ZFX: variants seen among roughly 807,000 people sequenced by gnomAD.
ZFX encodes zinc finger protein X-linked.
For synonymous variants in ZFX, 196 were observed against 226.8 expected (o/e 0.86, Z 1.22); for missense variants, 362 against 628.3 (o/e 0.58, Z 4.53).
At chrX:24,194,161 G>A (rs1198286313) in intron 5 of ZFX, among the ~76,000 whole-genome samples, 1 of 111,180 alleles carries the variant, frequency 9.0e-6, no homozygotes, top group African/African-American at 3.3e-5. Context: ...CCTTTTTAAG[G>A]CTAAATAGGA....
intron 5 of ZFX, among the ~76,000 whole-genome samples, chrX:24,183,596 A>G (rs1935856755): frequency 8.9e-6 from 1 of 112,048 alleles, no homozygotes; most frequent in Admixed American, 9.5e-5. Context: ...CCACAAGTGG[A>G]AAATTCCACA....
chrX:24,154,087 C>T (rs771113444), intron 3 of ZFX, among the ~76,000 whole-genome samples: 52 of 111,704 alleles, frequency 4.7e-4, no homozygotes, highest in African/African-American at 1.6e-3. Context: ...GTATTTTACT[C>T]AAAGGAAGTA....
chrX:24,173,535 G>C, intron 4 of ZFX: 4 of 1,094,286 alleles, frequency 3.7e-6, no homozygotes, highest in Non-Finnish European at 4.7e-6. Context: ...ATGTATTTCA[G>C]ATTACCCATG....
intron 5 of ZFX, among the ~76,000 whole-genome samples, chrX:24,182,951 T>C (rs1935802062): frequency 9.0e-6 from 1 of 111,524 alleles, no homozygotes; most frequent in Non-Finnish European, 1.9e-5. Context: ...ATGAGGCCCC[T>C]TTCCAGGGAC....
chrX:24,152,507 C>G, intron 2 of ZFX, among the ~76,000 whole-genome samples: 1 of 111,013 alleles, frequency 9.0e-6, no homozygotes, highest in Non-Finnish European at 1.9e-5. Flanking sequence ...TTTTTCTAGA[C>G]TGTAACAGGT....
At chrX:24,165,362 G>A (rs1334037095) in intron 3 of ZFX, among the ~76,000 whole-genome samples, 4 of 112,164 alleles carry the variant, frequency 3.6e-5, no homozygotes, top group Admixed American at 9.4e-5. Flanking sequence ...CTTGTGATCC[G>A]CCAGCCTCGG....
intron 3 of ZFX, among the ~76,000 whole-genome samples, chrX:24,163,213 G>A (rs1189657017): frequency 1.3e-5 from 1 of 78,196 alleles, no homozygotes; most frequent in East Asian, 4.6e-4. Context: ...ACTGTGCCAA[G>A]GTCTGTGGTG....
At position 24,214,118 on chromosome X, in the gene ZFX, T is replaced by A. The variant is rs758871393; in HGVS notation, c.*2742T>A. 8.9e-6 allele frequency: 1 copy of A among 111,957 alleles called. No homozygotes were observed. The highest frequency in any genetic ancestry group is 3.7e-4 in the South Asian group (1 of 2,681). 9.2% of individuals were successfully genotyped at this position (111,957 alleles called of 1,213,427 possible). On this transcript the variant is annotated 3_prime_UTR_variant, in exon 10 of 10. Coordinates refer to ENST00000304543, the MANE Select transcript of ZFX (RefSeq NM_003410.4). ...TTGTAGTCACTGTTATGTACTGACATTAGTTACAACCTAGTTTTAATTCTT... is the reference window on the plus strand; with the variant it reads ...TTGTAGTCACTGTTATGTACTGACAATAGTTACAACCTAGTTTTAATTCTT...
intron 5 of ZFX, among the ~76,000 whole-genome samples, chrX:24,181,324 C>T (rs1456800856): frequency 8.9e-6 from 1 of 111,809 alleles, no homozygotes; most frequent in East Asian, 2.8e-4. Context: ...TAAATACATA[C>T]ATAAGACCAT....
intron 5 of ZFX, chrX:24,207,051 G>C (rs1352789909): frequency 4.3e-6 from 1 of 234,989 alleles, no homozygotes; most frequent in African/African-American, 3.0e-5. Flanking sequence ...GGCTAAAATG[G>C]TGAAACCCTG....
chrX:24,196,788 G>T (rs1031464391), intron 5 of ZFX, among the ~76,000 whole-genome samples: 2 of 111,383 alleles, frequency 1.8e-5, no homozygotes, highest in Non-Finnish European at 3.8e-5. Context: ...TAGAGATGGG[G>T]TCTCACTATG....
chrX:24,193,032 C>T, intron 5 of ZFX, among the ~76,000 whole-genome samples: 1 of 111,074 alleles, frequency 9.0e-6, no homozygotes. Context: ...AGGCTTAGTA[C>T]TTCCATGTTA....
Position 24,210,171 on chromosome X carries a change from CTCCTT to C in ZFX, c.1235-19_1235-15del, listed in dbSNP as rs779360244. On this transcript the variant is annotated splice_polypyrimidine_tract_variant and intron_variant, in intron 9 of 9. Coordinates refer to ENST00000304543, the MANE Select transcript of ZFX (RefSeq NM_003410.4). ...ACAGAACTTGGTTTGAGCACTCATACTCCTTTCTTTTCCTTTTTTAGCAATAATTA... is the reference window on the plus strand; with the variant it reads ...ACAGAACTTGGTTTGAGCACTCATACTCTTTTCCTTTTTTAGCAATAATTA... The C allele has an allele frequency of 8.3e-6, 10 of 1,211,073 alleles. No individual in the cohort carries two copies. The highest frequency in any genetic ancestry group is 1.1e-5 in the Non-Finnish European group (10 of 894,964).
At chrX:24,158,736 A>G (rs911352789) in intron 3 of ZFX, among the ~76,000 whole-genome samples, 2 of 108,968 alleles carry the variant, frequency 1.8e-5, no homozygotes, top group Non-Finnish European at 3.8e-5. Flanking sequence ...TCCTGGGTTC[A>G]AGCCCTTCTC....
intron 5 of ZFX, among the ~76,000 whole-genome samples, chrX:24,198,805 A>C: frequency 9.0e-6 from 1 of 111,353 alleles, no homozygotes; most frequent in East Asian, 2.8e-4. Flanking sequence ...TGAGAAGGTA[A>C]CATTTGAGCA....
chrX:24,156,433 A>G (rs1049538051), intron 3 of ZFX, among the ~76,000 whole-genome samples: 76 of 110,817 alleles, frequency 6.9e-4, no homozygotes, highest in African/African-American at 2.4e-3. Flanking sequence ...TTTCATATTT[A>G]GGTCGTTAAT....
At chrX:24,151,355 G>C (rs1200762493) in intron 1 of ZFX, 1 of 111,988 alleles carries the variant, frequency 8.9e-6, no homozygotes, top group Non-Finnish European at 1.9e-5. Context: ...GGATCAGGGA[G>C]GGACGGGTTC....
intron 5 of ZFX, among the ~76,000 whole-genome samples, chrX:24,181,062 A>G (rs769961300): frequency 1.8e-5 from 2 of 112,487 alleles, no homozygotes; most frequent in Non-Finnish European, 3.7e-5. Flanking sequence ...TTATAAATTT[A>G]CAAGAATATT....
chrX:24,149,380 G>GGCGGCGGCA (rs1931680381), upstream of ZFX: 1 of 110,292 alleles, frequency 9.1e-6, no homozygotes, highest in African/African-American at 3.3e-5. Context: ...CGGCCGAGGC[G>GGCGGCGGCA]GCGGCGGCAG....
Sources: allele counts gnomAD v4.1 joint callset (sites outside exome capture counted in the v4.1 genomes callset), GRCh38; gene constraint gnomAD v4.1.1; transcripts MANE v1.5; gene names NCBI Gene and HGNC (gene_info 2026-07-23, HGNC 2026-07-21).